The following DPP10 variants were observed in gnomAD, a reference collection of about 807,000 sequenced individuals.
The protein encoded by DPP10 is dipeptidyl peptidase like 10, also known as inactive dipeptidyl peptidase 10.
A neutral mutation model predicts 120.9 loss-of-function variants in DPP10; 33 were observed. The ratio of observed to expected loss-of-function variants is 0.27; its 90% CI spans 0.21 to 0.37. DPP10 has a LOEUF of 0.37. Ranked by LOEUF, DPP10 falls within the 10% of genes least tolerant of loss-of-function variation. The pLI, the probability that DPP10 is intolerant of heterozygous loss-of-function variation, is 1.00. For synonymous variants in DPP10, 337 were observed against 326.1 expected (o/e 1.03, Z -0.36); for missense variants, 816 against 942.8 (o/e 0.87, Z 1.76).
intron 1 of DPP10, among the ~76,000 whole-genome samples, chr2:114,819,873 A>G (rs1231276987): frequency 6.6e-6 from 1 of 152,220 alleles, no homozygotes; most frequent in Non-Finnish European, 1.5e-5. Context: ...CAGAAAAGGA[A>G]CAATTATTGT....
At chr2:114,981,894 A>G (rs1700114484) in intron 1 of DPP10, among the ~76,000 whole-genome samples, 1 of 150,040 alleles carries the variant, frequency 6.7e-6, no homozygotes, top group Admixed American at 6.7e-5. Context: ...ATTGTGTTCC[A>G]CCTTTCTTTT....
At chr2:115,632,141 A>C (rs7608762) in intron 5 of DPP10, among the ~76,000 whole-genome samples, 2 of 152,024 alleles carry the variant, frequency 1.3e-5, no homozygotes, top group African/African-American at 4.8e-5. Context: ...CTTCTTGTTG[A>C]ATTGAACCCT....
intron 1 of DPP10, among the ~76,000 whole-genome samples, chr2:115,036,360 C>T (rs1238576557): frequency 1.3e-5 from 2 of 152,064 alleles, no homozygotes; most frequent in African/African-American, 4.8e-5. Context: ...ACAGCCAAAC[C>T]GTATCAATAA....
chr2:114,919,557 G>A (rs937863206), intron 1 of DPP10, among the ~76,000 whole-genome samples: 7 of 151,980 alleles, frequency 4.6e-5, no homozygotes, highest in Admixed American at 6.6e-5. Context: ...GTTATATAAC[G>A]CAAGTTGCAA....
At chr2:115,257,964 G>C (rs902636723) in intron 1 of DPP10, among the ~76,000 whole-genome samples, 3 of 152,088 alleles carry the variant, frequency 2.0e-5, no homozygotes, top group Non-Finnish European at 2.9e-5. Context: ...GATATATGTA[G>C]AATTCCACTT....
At chr2:114,684,816 C>G (rs781330578) in intron 1 of DPP10, among the ~76,000 whole-genome samples, 1 of 151,924 alleles carries the variant, frequency 6.6e-6, no homozygotes, top group Non-Finnish European at 1.5e-5. Context: ...ACAGCACCTT[C>G]GATTCATGTG....
chr2:115,661,013 T>G (rs917205815), intron 5 of DPP10, among the ~76,000 whole-genome samples: 42 of 152,070 alleles, frequency 2.8e-4, no homozygotes, highest in African/African-American at 9.4e-4. Flanking sequence ...TGCAGTGGCG[T>G]GATCTCGGCT....
intron 3 of DPP10, among the ~76,000 whole-genome samples, chr2:115,480,006 T>G (rs564011806): frequency 5.9e-5 from 9 of 152,246 alleles, no homozygotes; most frequent in African/African-American, 1.9e-4. Flanking sequence ...CGAGGAATGT[T>G]GAGAGCTACC....
chr2:114,735,760 C>T (rs1046337248), intron 1 of DPP10, among the ~76,000 whole-genome samples: 1 of 151,886 alleles, frequency 6.6e-6, no homozygotes, highest in Non-Finnish European at 1.5e-5. Flanking sequence ...ATGTAACTAG[C>T]TCATAAGCTG....
At chr2:115,144,547 T>A (rs970514123) in intron 1 of DPP10, among the ~76,000 whole-genome samples, 2 of 151,574 alleles carry the variant, frequency 1.3e-5, no homozygotes, top group South Asian at 2.1e-4. Context: ...TTTTAAATGA[T>A]GTTTTCACTG....
intron 1 of DPP10, among the ~76,000 whole-genome samples, chr2:115,096,270 T>C (rs1709735809): frequency 6.6e-6 from 1 of 152,188 alleles, no homozygotes; most frequent in Non-Finnish European, 1.5e-5. Context: ...GACAAAGCTT[T>C]ATTTTCAAAA....
chr2:115,445,557 C>G (rs2072500809), intron 3 of DPP10, among the ~76,000 whole-genome samples: 1 of 152,130 alleles, frequency 6.6e-6, no homozygotes, highest in South Asian at 2.1e-4. Flanking sequence ...TATGCTTTAG[C>G]AAAGATACTG....
chr2:115,658,285 T>C (rs890432518), intron 5 of DPP10, among the ~76,000 whole-genome samples: 32 of 151,984 alleles, frequency 2.1e-4, no homozygotes, highest in Non-Finnish European at 1.0e-4. Context: ...TCTACCCCTT[T>C]AGTATCTTTT....
rs140814448 is a variant in DPP10, at chr2:115,174,241, T to C, written c.61-134998T>C. 1.2e-3 allele frequency among the ~76,000 whole-genome samples: 185 copies of C among 152,294 alleles called. 1 individual carries two copies. The highest frequency in any genetic ancestry group is 6.8e-3 in the Middle Eastern group (2 of 294). ...ACCCGTTCCAGATCAGACATGAAGATCTATAAGACAGTATTGATCGCTTTC... is the reference window on the plus strand; with the variant it reads ...ACCCGTTCCAGATCAGACATGAAGACCTATAAGACAGTATTGATCGCTTTC... On this transcript the variant is annotated intron_variant, in intron 1 of 25. Transcript: ENST00000410059.
intron 1 of DPP10, among the ~76,000 whole-genome samples, chr2:114,523,462 G>C (rs936999630): frequency 3.9e-5 from 6 of 152,172 alleles, no homozygotes; most frequent in Admixed American, 2.0e-4. Context: ...TTTCCCAATG[G>C]TGTCTCCTGT....
At chr2:115,633,442 T>G (rs780480403) in intron 5 of DPP10, among the ~76,000 whole-genome samples, 17 of 151,274 alleles carry the variant, frequency 1.1e-4, no homozygotes, top group Non-Finnish European at 2.5e-4. Flanking sequence ...GGGGTGGGGG[T>G]AAGGGGGAAG....
rs142092226 is a variant in DPP10, at chr2:115,216,100, A to G, written c.61-93139A>G. ...CTCACTTATATGTGGGCGCTAAACAATGTGTACACATGGACAGAAAGAGTA... is the reference window on the plus strand; with the variant it reads ...CTCACTTATATGTGGGCGCTAAACAGTGTGTACACATGGACAGAAAGAGTA... On this transcript the variant is annotated intron_variant, in intron 1 of 25. Coordinates refer to ENST00000410059, the MANE Select transcript of DPP10 (RefSeq NM_020868.6). Among the ~76,000 whole-genome samples, 730 of 152,264 alleles carry G rather than the reference A, an allele frequency of 4.8e-3. 5 individuals are homozygous for G. Among genetic ancestry groups the G allele is most frequent in the African/African-American group, 0.016 (666 of 41,570 alleles).
At chr2:114,675,466 C>T (rs1398408589) in intron 1 of DPP10, among the ~76,000 whole-genome samples, 1 of 152,100 alleles carries the variant, frequency 6.6e-6, no homozygotes, top group Non-Finnish European at 1.5e-5. Context: ...GGCTAATAAA[C>T]ACGTGGGTAA....
chr2:115,072,717 C>T (rs1328789044), intron 1 of DPP10, among the ~76,000 whole-genome samples: 1 of 152,036 alleles, frequency 6.6e-6, no homozygotes, highest in African/African-American at 2.4e-5. Context: ...TCTATTTATC[C>T]TGTTAAGAGA....
Sources: gnomAD v4.1 joint callset for allele counts (sites outside exome capture counted in the v4.1 genomes callset) on GRCh38, gnomAD v4.1.1 for gene constraint, MANE v1.5 for transcripts, NCBI Gene and HGNC (gene_info 2026-07-23, HGNC 2026-07-21) for gene names.